The following CLSTN1 variants were observed in gnomAD, a reference collection of about 807,000 sequenced individuals.
CLSTN1 encodes the protein calsyntenin 1, also known as calsyntenin-1.
A neutral mutation model predicts 108.3 loss-of-function variants in CLSTN1; 28 were observed. The ratio of observed to expected loss-of-function variants is 0.26; its 90% CI spans 0.19 to 0.35. CLSTN1 has a LOEUF of 0.35. Ranked by LOEUF, CLSTN1 falls within the 10% of genes least tolerant of loss-of-function variation. CLSTN1 has a pLI of 1.00. For synonymous variants in CLSTN1, 524 were observed against 534.9 expected (o/e 0.98, Z 0.28); for missense variants, 1,157 against 1,302.6 (o/e 0.89, Z 1.72).
intron 2 of CLSTN1, among the ~76,000 whole-genome samples, chr1:9,759,778 T>C (rs1243527840): frequency 6.6e-6 from 1 of 152,202 alleles, no homozygotes; most frequent in Non-Finnish European, 1.5e-5. Flanking sequence ...ATCTCTGCTC[T>C]AGAGAGACAC....
chr1:9,761,218 C>A (rs1247948984), intron 2 of CLSTN1, among the ~76,000 whole-genome samples: 1 of 152,134 alleles, frequency 6.6e-6, no homozygotes, highest in African/African-American at 2.4e-5. Flanking sequence ...GAGGAGCAGG[C>A]CTGGTAGGTC....
intron 1 of CLSTN1, among the ~76,000 whole-genome samples, chr1:9,797,986 C>A (rs1020887243): frequency 2.6e-5 from 4 of 151,286 alleles, no homozygotes; most frequent in South Asian, 2.1e-4. Flanking sequence ...CCCAGCTACT[C>A]GGGAGGCTGA....
At position 9,735,877 on chromosome 1, in the gene CLSTN1, G is replaced by C; in HGVS notation, c.1734+8C>G. 1 of 1,613,884 alleles carries C rather than the reference G, an allele frequency of 6.2e-7. No individual in the cohort carries two copies. The highest frequency in any genetic ancestry group is 2.2e-5 in the East Asian group (1 of 44,866). On this transcript the variant is annotated splice_region_variant and intron_variant, in intron 12 of 18. Coordinates refer to ENST00000377298, the MANE Select transcript of CLSTN1 (RefSeq NM_001009566.3). ...ATGAGTGGTGTGCAGTCGAGCGCTCGGTGTTACCTGCACGCCTCTGCCACT... is the reference window on the plus strand; with the variant it reads ...ATGAGTGGTGTGCAGTCGAGCGCTCCGTGTTACCTGCACGCCTCTGCCACT...
rs1363422279 is a variant in CLSTN1 at position 9,734,134 on chromosome 1, A to G, written c.2119T>C (p.Ser707Pro). ...DGAEDPTVQE[S>P]LVSEEIVHDL... ...TGCACGATCTCCTCGGACACCAGTG[A>G]TTCTTGAACTGCAAAAGAGGCCCAA... is the stretch of plus-strand genomic sequence containing the variant. Residue 707 changes from serine (S) to proline (P), a missense_variant, in exon 15 of 19, where the codon TCA becomes CCA. Coordinates refer to ENST00000377298, the MANE Select transcript of CLSTN1 (RefSeq NM_001009566.3). The surrounding 1 kb of genome is among the most constrained non-coding windows in gnomAD (Gnocchi z 4.8). 6.2e-7 allele frequency: 1 copy of G among 1,614,032 alleles called. No homozygotes were observed.
chr1:9,736,295 G>A (rs949480716), intron 11 of CLSTN1, among the ~76,000 whole-genome samples: 19 of 152,156 alleles, frequency 1.2e-4, no homozygotes, highest in African/African-American at 3.6e-4. Flanking sequence ...GGTCCCCTGA[G>A]GGTCCCCACA....
intron 10 of CLSTN1, among the ~76,000 whole-genome samples, chr1:9,738,927 C>T (rs1273561061): frequency 1.3e-5 from 2 of 152,188 alleles, no homozygotes; most frequent in Non-Finnish European, 2.9e-5. Context: ...GCTGGGATTA[C>T]AGGTGTGAGC....
Position 9,734,209 on chromosome 1 carries a change from G to A in CLSTN1, c.2111-67C>T. 2 of 1,517,684 alleles carry A rather than the reference G, an allele frequency of 1.3e-6. No individual in the cohort carries two copies. Among genetic ancestry groups the A allele is most frequent in the Non-Finnish European group, 1.8e-6 (2 of 1,105,366 alleles). The allele number at this position is 1,517,684 out of a possible 1,614,324, so 94.0% of individuals were successfully genotyped here. A position where few individuals can be genotyped will look rare whatever the true frequency, so the allele number is the denominator to read the frequency against. Reference sequence around the variant, plus strand: ...GGGGCCCAGCGTGGCGGGGCACACTGGATGCCCTGCCGGCTCACCCCAAAC... The same window carrying A: ...GGGGCCCAGCGTGGCGGGGCACACTAGATGCCCTGCCGGCTCACCCCAAAC... On this transcript the variant is annotated intron_variant, in intron 14 of 18. Transcript: ENST00000377298. The surrounding 1 kb of genome is among the most constrained non-coding windows in gnomAD (Gnocchi z 4.8).
intron 1 of CLSTN1, among the ~76,000 whole-genome samples, chr1:9,792,128 G>A (rs1252067224): frequency 6.6e-6 from 1 of 151,070 alleles, no homozygotes; most frequent in Non-Finnish European, 1.5e-5. Context: ...GTTGCAGTGA[G>A]CTGAGATCGG....
At chr1:9,742,095 C>A (rs1651012519) in intron 9 of CLSTN1, among the ~76,000 whole-genome samples, 1 of 152,216 alleles carries the variant, frequency 6.6e-6, no homozygotes, top group Non-Finnish European at 1.5e-5. Flanking sequence ...CATCAGCCAG[C>A]TGCAATGGGC....
chr1:9,750,807 T>C, intron 5 of CLSTN1, among the ~76,000 whole-genome samples: 1 of 151,066 alleles, frequency 6.6e-6, no homozygotes, highest in East Asian at 2.0e-4. Flanking sequence ...TCCCAGCACT[T>C]TGGGAGGCCA....
chr1:9,731,909 AAG>A lies in CLSTN1; in HGVS notation c.2428-15_2428-14del, dbSNP rs774465347. On this transcript the variant is annotated splice_polypyrimidine_tract_variant and intron_variant, in intron 16 of 18. Coordinates refer to ENST00000377298, the MANE Select transcript of CLSTN1 (RefSeq NM_001009566.3). ...GGATTACATTCACCTATAGCAGAGA[AAG>A]AGAGGATCGCTGGAGACAGGCATCC... 1.4e-5 allele frequency: 22 copies of A among 1,613,908 alleles called. No individual in the cohort carries two copies. Among genetic ancestry groups the A allele is most frequent in the Middle Eastern group, 1.6e-4 (1 of 6,082 alleles).
chr1:9,819,261 A>T (rs904581921), intron 1 of CLSTN1, among the ~76,000 whole-genome samples: 3 of 152,336 alleles, frequency 2.0e-5, no homozygotes, highest in African/African-American at 2.4e-5. Flanking sequence ...CAAAAAAATT[A>T]AAAAACATAC....
intron 15 of CLSTN1, 62 bp downstream of exon 15, chr1:9,733,910 A>C: frequency 6.0e-6 from 9 of 1,512,450 alleles, no homozygotes; most frequent in South Asian, 1.2e-5. Flanking sequence ...CAGCCAGCCA[A>C]GAGCTCTCAA....
chr1:9,775,381 G>A lies in CLSTN1; in HGVS notation c.92-1987C>T, dbSNP rs191131933. The stretch of plus-strand genomic sequence containing the variant: ...CGGATCACTGGAGAAGTGCTATCTT[G>A]TCCCTTCTTGATTGGGACTCTACCA... On this transcript the variant is annotated intron_variant, in intron 1 of 18. Coordinates refer to ENST00000377298, the MANE Select transcript of CLSTN1 (RefSeq NM_001009566.3). Among the ~76,000 whole-genome samples, 170 of 151,954 alleles carry A rather than the reference G, an allele frequency of 1.1e-3. 1 individual carries two copies. Among genetic ancestry groups the A allele is most frequent in the Non-Finnish European group, 1.3e-3 (90 of 67,952 alleles).
At chr1:9,767,628 G>T (rs1347949987) in intron 2 of CLSTN1, among the ~76,000 whole-genome samples, 3 of 151,284 alleles carry the variant, frequency 2.0e-5, no homozygotes, top group African/African-American at 7.3e-5. Flanking sequence ...CACACTGCAG[G>T]CACTCAATAA....
Position 9,755,261 on chromosome 1 carries a change from G to C in CLSTN1, c.293C>G (p.Ala98Gly). The change falls in exon 4 of 19, where the codon GCA (alanine) becomes GGA (glycine). Residue 98 changes from alanine to glycine, a missense_variant. Transcript: ENST00000377298. ...ACCAGTGGATTTATCCACTACCACT[G>C]CATCAAAGGGGACATTCTGCCCGTG... ...KIHGQNVPFD[A>G]VVVDKSTGEG... The C allele has an allele frequency of 6.2e-7, 1 of 1,613,778 alleles. No individual in the cohort carries two copies. The highest frequency in any genetic ancestry group is 2.2e-5 in the East Asian group (1 of 44,868).
rs966111197 is a variant in CLSTN1 at position 9,823,195 on chromosome 1, G to A, written c.91+448C>T. Among the ~76,000 whole-genome samples the A allele has an allele frequency of 1.4e-4, 22 of 152,196 alleles. No individual in the cohort carries two copies. The highest frequency in any genetic ancestry group is 5.1e-4 in the African/African-American group (21 of 41,460). On this transcript the variant is annotated intron_variant, in intron 1 of 18. Transcript: ENST00000377298. This position sits in a 1 kb window ranked among gnomAD's most constrained non-coding sequence, Gnocchi z 6.3. ...AAAACTGTGCGTGCACCCCCCGCCT[G>A]ATGCACATCTGAGCACACGTACACA...
intron 4 of CLSTN1, among the ~76,000 whole-genome samples, chr1:9,753,789 G>A (rs1296639091): frequency 6.6e-6 from 1 of 152,118 alleles, no homozygotes; most frequent in Non-Finnish European, 1.5e-5. Context: ...TTACAGGCGT[G>A]AGCCACCGTG....
chr1:9,815,374 G>C (rs984471500), intron 1 of CLSTN1, among the ~76,000 whole-genome samples: 2 of 152,190 alleles, frequency 1.3e-5, no homozygotes, highest in African/African-American at 4.8e-5. Flanking sequence ...TTAAAGTATA[G>C]AGGAAAGAAC....
Sources: gnomAD v4.1 joint callset for allele counts (sites outside exome capture counted in the v4.1 genomes callset) on GRCh38, gnomAD v4.1.1 for gene constraint, Gnocchi (gnomAD v3.1) non-coding constraint, MANE v1.5 for transcripts, NCBI Gene and HGNC (gene_info 2026-07-23, HGNC 2026-07-21) for gene names.